Variants in STAG1 observed in about 807,000 individuals in gnomAD.
STAG1 encodes STAG1 cohesin complex component.
STAG1 carries 26 observed loss-of-function variants against 170.9 expected under a neutral mutation model. The observed-to-expected ratio is 0.15, with a 90% CI of 0.11 to 0.21. The LOEUF is 0.21. Ranked by LOEUF, STAG1 falls within the 10% of genes least tolerant of loss-of-function variation. The pLI, the probability that STAG1 is intolerant of heterozygous loss-of-function variation, is 1.00. For synonymous variants in STAG1, 514 were observed against 497.7 expected (o/e 1.03, Z -0.44); for missense variants, 964 against 1,509.5 (o/e 0.64, Z 5.99).
chr3:136,430,923 A>C (rs1013846017), intron 16 of STAG1, among the ~76,000 whole-genome samples: 2 of 147,662 alleles, frequency 1.4e-5, no homozygotes, highest in Non-Finnish European at 3.0e-5. Flanking sequence ...TTTTTTTTGG[A>C]GACAGAGTCT....
chr3:136,400,512 C>T (rs834305), intron 21 of STAG1, among the ~76,000 whole-genome samples: 53,009 of 151,608 alleles, frequency 0.35, 11,142 homozygotes, highest in East Asian at 0.8. Context: ...TGAGCCACCA[C>T]GCCCGGCCGC....
chr3:136,468,184 CA>C (rs1264868675), intron 12 of STAG1, among the ~76,000 whole-genome samples: 1 of 151,948 alleles, frequency 6.6e-6, no homozygotes, highest in South Asian at 2.1e-4. Flanking sequence ...GATAGAGACA[CA>C]AAAAACTCTT....
intron 1 of STAG1, among the ~76,000 whole-genome samples, chr3:136,653,385 TAGAC>T (rs1171822829): frequency 1.3e-5 from 2 of 152,142 alleles, no homozygotes; most frequent in African/African-American, 4.8e-5. Flanking sequence ...TTTTGAGCAA[TAGAC>T]AGCCATTACA....
At chr3:136,685,640 G>T (rs1942494547) in intron 1 of STAG1, among the ~76,000 whole-genome samples, 1 of 152,154 alleles carries the variant, frequency 6.6e-6, no homozygotes, top group Non-Finnish European at 1.5e-5. Context: ...AAAAGACATG[G>T]AAGAACTTTA....
rs1257313982 is a variant in STAG1 at position 136,531,799 on chromosome 3, T to C, written c.471+10320A>G. Among the ~76,000 whole-genome samples, 3 of 150,520 alleles carry C rather than the reference T, an allele frequency of 2.0e-5. No individual in the cohort carries two copies. In the East Asian group the frequency reaches 5.9e-4, roughly 30 times the overall value. On this transcript the variant is annotated intron_variant, in intron 6 of 33. Coordinates refer to ENST00000383202, the MANE Select transcript of STAG1 (RefSeq NM_005862.3). ...GGGGGAGGGATAGCATCGGGAGATA[T>C]ACCTAATGCTAGATGATGAGTTAGT...
intron 6 of STAG1, among the ~76,000 whole-genome samples, chr3:136,528,326 C>A (rs1935176006): frequency 1.3e-5 from 2 of 152,120 alleles, no homozygotes; most frequent in Non-Finnish European, 2.9e-5. Context: ...GCAGTTTGAT[C>A]TACTGCTGTG....
At chr3:136,358,114 G>A (rs1936725163) in intron 27 of STAG1, among the ~76,000 whole-genome samples, 1 of 148,954 alleles carries the variant, frequency 6.7e-6, no homozygotes, top group African/African-American at 2.5e-5. Flanking sequence ...TTGAGACAAG[G>A]TCTCACTGTG....
At chr3:136,455,662 T>C (rs904565056) in intron 13 of STAG1, among the ~76,000 whole-genome samples, 6 of 152,144 alleles carry the variant, frequency 3.9e-5, no homozygotes, top group African/African-American at 9.7e-5. Flanking sequence ...GGGAATGCCA[T>C]GTTGAAGGGA....
chr3:136,474,948 T>C lies in STAG1; in HGVS notation c.1027-1311A>G, dbSNP rs534106837. Among the ~76,000 whole-genome samples the C allele has an allele frequency of 1.2e-4, 19 of 152,122 alleles. No individual in the cohort carries two copies. The South Asian group carries it at 1.5e-3, about 12-fold the overall frequency. Reference sequence around the variant, plus strand: ...CTTCTCTCGCCCAGGTTGAGGCCCATAGCCAGTAAAGAAAGATACAGGGGT... The same window carrying C: ...CTTCTCTCGCCCAGGTTGAGGCCCACAGCCAGTAAAGAAAGATACAGGGGT... On this transcript the variant is annotated intron_variant, in intron 10 of 33. Coordinates refer to ENST00000383202, the MANE Select transcript of STAG1 (RefSeq NM_005862.3).
At chr3:136,463,740 T>TGCGC (rs1559817228) in intron 13 of STAG1, among the ~76,000 whole-genome samples, 2 of 101,600 alleles carry the variant, frequency 2.0e-5, no homozygotes, top group South Asian at 2.9e-4. Flanking sequence ...TGTATATGTG[T>TGCGC]GTGTGTGTGT....
intron 9 of STAG1, among the ~76,000 whole-genome samples, chr3:136,494,388 C>T (rs1246153317): frequency 6.6e-6 from 1 of 152,170 alleles, no homozygotes; most frequent in Non-Finnish European, 1.5e-5. Flanking sequence ...GGCTTCTCTG[C>T]TGAAATCTAC....
intron 1 of STAG1, among the ~76,000 whole-genome samples, chr3:136,737,810 C>A (rs886546043): frequency 6.6e-6 from 1 of 152,198 alleles, no homozygotes; most frequent in Non-Finnish European, 1.5e-5. Flanking sequence ...TGGCTCACGC[C>A]TGTAATCCCA....
At chr3:136,549,490 A>T (rs1936297427) in intron 5 of STAG1, among the ~76,000 whole-genome samples, 3 of 152,134 alleles carry the variant, frequency 2.0e-5, no homozygotes, top group South Asian at 4.2e-4. Flanking sequence ...TTGTAGAGAC[A>T]GGGTTTCACC....
intron 1 of STAG1, among the ~76,000 whole-genome samples, chr3:136,657,143 T>C (rs889715742): frequency 2.0e-5 from 3 of 150,720 alleles, no homozygotes; most frequent in Non-Finnish European, 4.4e-5. Context: ...GGCCAGTGTA[T>C]AGATGCAAAT....
At chr3:136,603,111 T>C (rs73863634) in intron 4 of STAG1, among the ~76,000 whole-genome samples, 12,512 of 151,670 alleles carry the variant, frequency 0.082, 1,712 homozygotes, top group African/African-American at 0.28. Flanking sequence ...CAAAAAGAAA[T>C]ACAGGTAAAA....
intron 13 of STAG1, among the ~76,000 whole-genome samples, chr3:136,452,761 T>C (rs866810740): frequency 2.0e-5 from 3 of 152,150 alleles, no homozygotes; most frequent in African/African-American, 4.8e-5. Flanking sequence ...TCCTGTATGA[T>C]TGATACTAGA....
At chr3:136,677,273 C>T (rs996718871) in intron 1 of STAG1, among the ~76,000 whole-genome samples, 2 of 152,138 alleles carry the variant, frequency 1.3e-5, no homozygotes, top group Middle Eastern at 3.4e-3. Flanking sequence ...TCACCACAAA[C>T]GTTGACTATT....
At chr3:136,651,670 A>G (rs1941220661) in intron 1 of STAG1, among the ~76,000 whole-genome samples, 1 of 152,144 alleles carries the variant, frequency 6.6e-6, no homozygotes, top group African/African-American at 2.4e-5. Context: ...ATATAAACCA[A>G]TAGTCTTATG....
Position 136,613,325 on chromosome 3 carries a change from A to AAAAAG in STAG1, c.133-8853_133-8852insCTTTT, listed in dbSNP as rs1939404897. On this transcript the variant is annotated intron_variant, in intron 3 of 33. Transcript: ENST00000383202. ...TGAGACTCCGTCTCAAAAAAAAAAA[A>AAAAAG]AAAAAAAAAAGAAATCAGAGTTTCT... Among the ~76,000 whole-genome samples, 5 of 150,742 alleles carry AAAAAG rather than the reference A, an allele frequency of 3.3e-5. No individual in the cohort carries two copies. In the South Asian group the frequency reaches 1.0e-3, roughly 32 times the overall value.
Sources: gnomAD v4.1 joint callset for allele counts (sites outside exome capture counted in the v4.1 genomes callset) on GRCh38, gnomAD v4.1.1 for gene constraint, MANE v1.5 for transcripts, NCBI Gene and HGNC (gene_info 2026-07-23, HGNC 2026-07-21) for gene names.